RFX3: variants seen among roughly 807,000 people sequenced by gnomAD.
RFX3 encodes the protein transcription factor RFX3.
In RFX3, 14 loss-of-function variants were observed where a neutral mutation model predicts 98.6. That is an observed-to-expected ratio of 0.14 (90% confidence interval 0.09 to 0.22). The LOEUF (loss-of-function observed/expected upper bound fraction) is 0.22, where lower values mean the gene tolerates loss of function less well. Ranked by LOEUF, RFX3 falls within the 10% of genes least tolerant of loss-of-function variation. RFX3 has a pLI of 1.00. For missense variants in RFX3, 639 were observed against 926.9 expected, an observed-to-expected ratio of 0.69 and a Z score of 4.03; for synonymous variants, 383 against 328.4, an observed-to-expected ratio of 1.17 and a Z score of -1.80.
intron 1 of RFX3, among the ~76,000 whole-genome samples, chr9:3,457,105 C>A (rs1002344279): frequency 1.5e-5 from 2 of 131,310 alleles, no homozygotes; most frequent in Non-Finnish European, 3.1e-5. Context: ...CGCACCACTG[C>A]GCTCCAGCCT....
At chr9:3,524,671 A>G (rs546842345) in intron 1 of RFX3, 2 of 972,342 alleles carry the variant, frequency 2.1e-6, no homozygotes, top group Non-Finnish European at 2.4e-6. Flanking sequence ...CATAATCACA[A>G]TGAAAATTGT....
chr9:3,380,568 T>C (rs1436598708), intron 2 of RFX3, among the ~76,000 whole-genome samples: 5 of 152,176 alleles, frequency 3.3e-5, no homozygotes, highest in Admixed American at 2.6e-4. Context: ...GTGGCAGACC[T>C]GGCATTTTGA....
chr9:3,376,926 T>A (rs1296024069), intron 2 of RFX3, among the ~76,000 whole-genome samples: 1 of 152,136 alleles, frequency 6.6e-6, no homozygotes, highest in Non-Finnish European at 1.5e-5. Context: ...ATGGCGATCA[T>A]TAAAAAGTCA....
chr9:3,445,886 A>T (rs1846002399), intron 1 of RFX3, among the ~76,000 whole-genome samples: 1 of 152,088 alleles, frequency 6.6e-6, no homozygotes, highest in African/African-American at 2.4e-5. Context: ...CTGGTGAATG[A>T]AGTTTTATCT....
intron 4 of RFX3, among the ~76,000 whole-genome samples, chr9:3,307,275 G>C (rs1829437863): frequency 6.6e-6 from 1 of 152,082 alleles, no homozygotes; most frequent in Non-Finnish European, 1.5e-5. Flanking sequence ...GGTTCCTTTA[G>C]GGATAGGTAA....
intron 4 of RFX3, among the ~76,000 whole-genome samples, chr9:3,313,702 T>C (rs573797443): frequency 6.6e-6 from 1 of 152,162 alleles, no homozygotes; most frequent in African/African-American, 2.4e-5. Context: ...CTGAAAACCA[T>C]GGCATGAGAA....
At chr9:3,326,772 T>A (rs1443409702) in intron 4 of RFX3, among the ~76,000 whole-genome samples, 1 of 152,216 alleles carries the variant, frequency 6.6e-6, no homozygotes, top group East Asian at 1.9e-4. Context: ...TTCTAAGGAC[T>A]GGAGCAGAAA....
At chr9:3,492,172 A>C (rs765749086) in intron 1 of RFX3, among the ~76,000 whole-genome samples, 11 of 152,176 alleles carry the variant, frequency 7.2e-5, no homozygotes, top group Non-Finnish European at 1.6e-4. Flanking sequence ...GCTATTCTAC[A>C]TTCAGGTCCC....
At chr9:3,318,233 G>A (rs917553102) in intron 4 of RFX3, among the ~76,000 whole-genome samples, 2 of 152,194 alleles carry the variant, frequency 1.3e-5, no homozygotes, top group Non-Finnish European at 2.9e-5. Flanking sequence ...AGACATGGAT[G>A]AAGCTAGAAA....
At chr9:3,391,187 C>T (rs1840273073) in intron 2 of RFX3, among the ~76,000 whole-genome samples, 1 of 151,988 alleles carries the variant, frequency 6.6e-6, no homozygotes, top group Non-Finnish European at 1.5e-5. Context: ...AATAGCAGCA[C>T]ATTAACAATT....
chr9:3,369,813 G>GT (rs1039795715), intron 2 of RFX3, among the ~76,000 whole-genome samples: 6 of 151,940 alleles, frequency 3.9e-5, no homozygotes, highest in African/African-American at 1.4e-4. Flanking sequence ...CAGAGCAGTT[G>GT]TTTTTTTGTT....
At chr9:3,417,632 T>A (rs1402098636) in intron 1 of RFX3, among the ~76,000 whole-genome samples, 1 of 152,088 alleles carries the variant, frequency 6.6e-6, no homozygotes, top group Non-Finnish European at 1.5e-5. Flanking sequence ...CATACTATCA[T>A]CTGTGAGATG....
At chr9:3,344,453 G>C (rs1834219336) in intron 3 of RFX3, among the ~76,000 whole-genome samples, 1 of 152,102 alleles carries the variant, frequency 6.6e-6, no homozygotes, top group African/African-American at 2.4e-5. Flanking sequence ...TTTCAGATTT[G>C]GGAGTATTTC....
At chr9:3,364,449 C>T in intron 2 of RFX3, 1 of 261,002 alleles carries the variant, frequency 3.8e-6, no homozygotes, top group Non-Finnish European at 7.4e-6. Context: ...ATTTGAAGGG[C>T]CACAGGAAGT....
In RFX3 at chr9:3,316,279, T is replaced by C. The variant is rs191497390; in HGVS notation, c.474+13980A>G. Among the ~76,000 whole-genome samples the C allele has an allele frequency of 2.0e-4, 31 of 152,306 alleles. No individual in the cohort carries two copies. In the South Asian group the frequency reaches 3.3e-3, roughly 16 times the overall value. ...AAAAGAACCAAAGACAAAAACCATATGATTATCTCAATAGATGCAGAAAAC... is the reference window on the plus strand; with the variant it reads ...AAAAGAACCAAAGACAAAAACCATACGATTATCTCAATAGATGCAGAAAAC... On this transcript the variant is annotated intron_variant, in intron 4 of 16. Transcript: ENST00000617270.
At chr9:3,304,909 A>G (rs1829098288) in intron 4 of RFX3, among the ~76,000 whole-genome samples, 1 of 152,104 alleles carries the variant, frequency 6.6e-6, no homozygotes, top group Admixed American at 6.6e-5. Context: ...AAATAAGAGT[A>G]GTAGTCTTTA....
At chr9:3,296,065 C>G (rs894917693) in intron 5 of RFX3, among the ~76,000 whole-genome samples, 1 of 151,700 alleles carries the variant, frequency 6.6e-6, no homozygotes, top group Admixed American at 6.6e-5. Context: ...TAGGAATTAT[C>G]TTGTAGATTA....
At chr9:3,254,768 T>A (rs186459147) in intron 14 of RFX3, among the ~76,000 whole-genome samples, 2 of 152,284 alleles carry the variant, frequency 1.3e-5, no homozygotes, top group East Asian at 3.9e-4. Flanking sequence ...TGTTGCTGCA[T>A]CTACCTTGAG....
chr9:3,247,954 T>A, intron 15 of RFX3, 78 bp downstream of exon 15: 1 of 1,613,702 alleles, frequency 6.2e-7, no homozygotes, highest in South Asian at 1.1e-5. Context: ...TTTTAATCAA[T>A]AATGTATTTA....
Sources: gnomAD v4.1 joint callset for allele counts (sites outside exome capture counted in the v4.1 genomes callset) on GRCh38, gnomAD v4.1.1 for gene constraint, MANE v1.5 for transcripts, NCBI Gene and HGNC (gene_info 2026-07-23, HGNC 2026-07-21) for gene names.